Variants in IRAG1 observed in about 807,000 individuals in gnomAD.
The protein encoded by IRAG1 is inositol 1,4,5-triphosphate receptor associated 1.
A neutral mutation model predicts 106.2 loss-of-function variants in IRAG1; 62 were observed. The ratio of observed to expected loss-of-function variants is 0.58; its 90% CI spans 0.48 to 0.72. The LOEUF (loss-of-function observed/expected upper bound fraction) is 0.72. IRAG1 is among the 30% of genes least tolerant of loss of function. IRAG1 has a pLI of 0.00. For synonymous variants in IRAG1, 462 were observed against 443.9 expected, an observed-to-expected ratio of 1.04 and a Z score of -0.51; for missense variants, 1,064 against 1,140.7, an observed-to-expected ratio of 0.93 and a Z score of 0.97.
rs1564895380 is a variant in IRAG1, at chr11:10,592,851, C to T, written c.2175+641G>A. Among the ~76,000 whole-genome samples, 3 of 152,276 alleles carry T rather than the reference C, an allele frequency of 2.0e-5. No homozygotes were observed. The South Asian group carries it at 6.2e-4, about 32-fold the overall frequency. On this transcript the variant is annotated intron_variant, in intron 17 of 20. Transcript: ENST00000423302. The stretch of plus-strand genomic sequence containing the variant: ...TATCTTCTACCAGAAATTTCTATGT[C>T]TACACACAGAAACACACTCTTTTAA...
intron 1 of IRAG1, among the ~76,000 whole-genome samples, chr11:10,676,887 G>A (rs868587239): frequency 1.3e-5 from 2 of 152,188 alleles, no homozygotes; most frequent in African/African-American, 4.8e-5. Flanking sequence ...ATTGCTCTGG[G>A]GCGAGCGGTG....
intron 1 of IRAG1, among the ~76,000 whole-genome samples, chr11:10,654,667 T>C (rs1020565187): frequency 5.3e-5 from 8 of 152,030 alleles, no homozygotes; most frequent in African/African-American, 1.9e-4. Context: ...ATTTTGAAAG[T>C]GAGAAGTTGC....
At position 10,687,221 on chromosome 11, in the gene IRAG1, C is replaced by T. The variant is rs867256573; in HGVS notation, c.67+6315G>A. Among the ~76,000 whole-genome samples, 44 of 152,142 alleles carry T rather than the reference C, an allele frequency of 2.9e-4. 1 individual carries two copies. The highest frequency in any genetic ancestry group is 7.7e-4 in the African/African-American group (32 of 41,428). On this transcript the variant is annotated intron_variant, in intron 1 of 20. Coordinates refer to ENST00000423302, the MANE Select transcript of IRAG1 (RefSeq NM_130385.4). ...AGTCTTGCCAGGTGCCCATGGGAGA[C>T]CAGCCTTGCAAGTGGGCTTTAGCCA...
intron 1 of IRAG1, among the ~76,000 whole-genome samples, chr11:10,674,715 G>A (rs1386076015): frequency 2.6e-5 from 4 of 152,198 alleles, no homozygotes; most frequent in African/African-American, 9.7e-5. Context: ...ACAGGCACAT[G>A]AAAGGGAATT....
chr11:10,580,400 T>G, intron 20 of IRAG1, 55 bp downstream of exon 20: 2 of 1,578,948 alleles, frequency 1.3e-6, no homozygotes, highest in South Asian at 2.4e-5. Context: ...TTAAATTAGA[T>G]GAATTGTAAC....
chr11:10,692,398 C>T (rs1356832903), intron 1 of IRAG1, among the ~76,000 whole-genome samples: 1 of 152,188 alleles, frequency 6.6e-6, no homozygotes, highest in Non-Finnish European at 1.5e-5. Context: ...AGCTCCGCTC[C>T]ATCTTGGTGG....
intron 2 of IRAG1, among the ~76,000 whole-genome samples, chr11:10,640,478 T>G (rs1466006989): frequency 6.6e-6 from 1 of 152,238 alleles, no homozygotes; most frequent in African/African-American, 2.4e-5. Context: ...GCTGACAGAA[T>G]CGTTGAGCAA....
chr11:10,622,544 C>T (rs1379185727), intron 10 of IRAG1, among the ~76,000 whole-genome samples: 4 of 152,014 alleles, frequency 2.6e-5, no homozygotes, highest in East Asian at 1.9e-4. Context: ...TACCCCAGAG[C>T]GAGACCCTAG....
chr11:10,686,988 AAGGAAAATTCAT>A (rs1861704987), intron 1 of IRAG1, among the ~76,000 whole-genome samples: 1 of 152,226 alleles, frequency 6.6e-6, no homozygotes, highest in Admixed American at 6.5e-5. Flanking sequence ...TCTGTGAAAA[AAGGAAAATTCAT>A]CGCCGCAGAA....
At chr11:10,639,626 G>A (rs1405283036) in intron 2 of IRAG1, among the ~76,000 whole-genome samples, 1 of 151,924 alleles carries the variant, frequency 6.6e-6, no homozygotes, top group Non-Finnish European at 1.5e-5. Context: ...CGATTCTCAC[G>A]CCCCCTCTCT....
At chr11:10,603,338 C>T in intron 13 of IRAG1, 87 bp from the exon 14 acceptor site, 2 of 1,502,740 alleles carry the variant, frequency 1.3e-6, no homozygotes, top group Non-Finnish European at 1.8e-6. Context: ...GCCTCAGGGA[C>T]TGGTTTGGAA....
chr11:10,588,975 C>T (rs981293914), intron 18 of IRAG1: 1 of 152,182 alleles, frequency 6.6e-6, no homozygotes, highest in Admixed American at 6.5e-5. Flanking sequence ...ATCTTCAGGA[C>T]TAACTTTAAA....
intron 4 of IRAG1, 71 bp from the exon 5 acceptor site, chr11:10,629,782 A>G: frequency 6.8e-7 from 1 of 1,479,124 alleles, no homozygotes; most frequent in African/African-American, 1.4e-5. Flanking sequence ...ATGCCATACC[A>G]TGCCTCATCC....
At chr11:10,685,962 C>T (rs554194037) in intron 1 of IRAG1, among the ~76,000 whole-genome samples, 22 of 152,164 alleles carry the variant, frequency 1.4e-4, no homozygotes, top group East Asian at 3.9e-4. Context: ...CAAACTACAA[C>T]GGGGACCAGT....
chr11:10,627,191 C>T (rs1214737197), intron 8 of IRAG1, among the ~76,000 whole-genome samples: 4 of 152,126 alleles, frequency 2.6e-5, no homozygotes, highest in Admixed American at 6.5e-5. Flanking sequence ...GTGGCTGCCT[C>T]GTGTGTGCTG....
chr11:10,611,765 A>T (rs756868614), intron 10 of IRAG1: 5 of 152,184 alleles, frequency 3.3e-5, no homozygotes, highest in Admixed American at 6.5e-5. Context: ...GAGAGAAAAA[A>T]TTCTTACAAA....
At chr11:10,611,715 TTTC>T (rs1222916581) in intron 10 of IRAG1, 8 of 152,184 alleles carry the variant, frequency 5.3e-5, no homozygotes, top group Non-Finnish European at 1.2e-4. Context: ...ATGATAACCC[TTTC>T]TTCTTCTCCA....
intron 15 of IRAG1, among the ~76,000 whole-genome samples, chr11:10,600,118 C>T (rs1485915805): frequency 6.6e-6 from 1 of 152,174 alleles, no homozygotes. Context: ...ATGTGTCTTC[C>T]TCTATTGACT....
At chr11:10,639,400 G>C (rs868314824) in intron 2 of IRAG1, among the ~76,000 whole-genome samples, 1 of 152,192 alleles carries the variant, frequency 6.6e-6, no homozygotes. Context: ...GTCTATGGTT[G>C]GGAGTTGTGG....
Sources: gnomAD v4.1 joint callset for allele counts (sites outside exome capture counted in the v4.1 genomes callset) on GRCh38, gnomAD v4.1.1 for gene constraint, MANE v1.5 for transcripts, NCBI Gene and HGNC (gene_info 2026-07-23, HGNC 2026-07-21) for gene names.